Variants in OMA1 observed in about 807,000 individuals in gnomAD.
OMA1 encodes the protein OMA1 zinc metallopeptidase.
A neutral mutation model predicts 30.9 loss-of-function variants in OMA1; 38 were observed. The observed-to-expected ratio is 1.23, with a 90% CI of 0.95 to 1.61. The LOEUF (loss-of-function observed/expected upper bound fraction) is 1.61. Ranked by LOEUF, OMA1 falls within the 40% of genes most tolerant of loss-of-function variation. The probability of loss-of-function intolerance (pLI) is 0.00; values close to 1 mark genes in which losing one functional copy is unlikely to be tolerated. For missense variants in OMA1, 461 were observed against 349.2 expected, an observed-to-expected ratio of 1.32 and a Z score of -2.55; for synonymous variants, 173 against 121.9, an observed-to-expected ratio of 1.42 and a Z score of -2.76.
At chr1:58,502,048 C>T (rs1040652885) in intron 8 of OMA1, among the ~76,000 whole-genome samples, 1 of 152,016 alleles carries the variant, frequency 6.6e-6, no homozygotes, top group African/African-American at 2.4e-5. Flanking sequence ...TGGCATATAA[C>T]AGATGACTGA....
chr1:58,510,367 A>G (rs1260672351), intron 7 of OMA1, among the ~76,000 whole-genome samples: 1 of 152,032 alleles, frequency 6.6e-6, no homozygotes, highest in African/African-American at 2.4e-5. Flanking sequence ...TTAACAGAAT[A>G]AAAAAACACA....
chr1:58,529,479 A>G (rs148966090), intron 6 of OMA1, among the ~76,000 whole-genome samples: 192 of 152,360 alleles, frequency 1.3e-3, no homozygotes, highest in African/African-American at 4.4e-3. Context: ...TGAGATGATT[A>G]TTATACATAA....
intron 7 of OMA1, among the ~76,000 whole-genome samples, chr1:58,507,978 C>T (rs947039854): frequency 3.9e-5 from 6 of 152,284 alleles, no homozygotes; most frequent in African/African-American, 1.4e-4. Flanking sequence ...TTGTCTGCTA[C>T]ACAAACCAAA....
chr1:58,508,979 T>G (rs1027965464), intron 7 of OMA1, among the ~76,000 whole-genome samples: 3 of 152,100 alleles, frequency 2.0e-5, no homozygotes, highest in Non-Finnish European at 2.9e-5. Context: ...GACAGGACCC[T>G]AGACACCTAG....
intron 8 of OMA1, among the ~76,000 whole-genome samples, chr1:58,499,596 C>T (rs1180099968): frequency 6.6e-6 from 1 of 152,000 alleles, no homozygotes; most frequent in Non-Finnish European, 1.5e-5. Flanking sequence ...ATTGTTACTA[C>T]AGTTAATAAA....
In OMA1 at chr1:58,534,023, C is replaced by G. The variant is rs761631368; in HGVS notation, c.941G>C (p.Ser314Thr). 2.3e-6 allele frequency: 2 copies of G among 871,486 alleles called. No homozygotes were observed. The highest frequency in any genetic ancestry group is 4.0e-6 in the Non-Finnish European group (2 of 501,358). The allele number at this position is 871,486 out of a possible 1,614,324, so 54.0% of individuals were successfully genotyped here. Reference sequence around the variant, plus strand: ...AGAAAGTTGATGAATATCGGTTACACTATTTAAAAATCCAGTGAAAACAAA... The same window carrying G: ...AGAAAGTTGATGAATATCGGTTACAGTATTTAAAAATCCAGTGAAAACAAA... ...QMFVFTGFLN[S>T]VTDIHQLSFL... Residue 314 changes from serine to threonine, a missense_variant, in exon 5 of 9, where the codon AGT (serine) becomes ACT (threonine). Physicochemically the swap from Ser to Thr is moderately conservative, Grantham distance 58. Coordinates refer to ENST00000371226, the MANE Select transcript of OMA1 (RefSeq NM_145243.5).
chr1:58,497,116 G>A (rs1040343928), intron 8 of OMA1, among the ~76,000 whole-genome samples: 4 of 152,066 alleles, frequency 2.6e-5, no homozygotes, highest in African/African-American at 7.2e-5. Flanking sequence ...CTATTTACAG[G>A]TATATATAGA....
At chr1:58,493,871 C>A (rs9662224) in intron 8 of OMA1, among the ~76,000 whole-genome samples, 1 of 151,200 alleles carries the variant, frequency 6.6e-6, no homozygotes, top group Non-Finnish European at 1.5e-5. Context: ...CAATGCCATC[C>A]CCATCAAGCT....
intron 8 of OMA1, among the ~76,000 whole-genome samples, chr1:58,500,304 A>C (rs952371370): frequency 1.3e-5 from 2 of 152,144 alleles, no homozygotes; most frequent in Non-Finnish European, 2.9e-5. Flanking sequence ...AACACTCTCT[A>C]TGTCAGACAA....
chr1:58,529,063 T>C (rs2100469577), intron 6 of OMA1, among the ~76,000 whole-genome samples: 1 of 152,168 alleles, frequency 6.6e-6, no homozygotes, highest in South Asian at 2.1e-4. Context: ...TCCTGGCGGG[T>C]CAGTGACAGA....
chr1:58,540,966 G>C (rs1569983369), intron 1 of OMA1, among the ~76,000 whole-genome samples: 1 of 152,012 alleles, frequency 6.6e-6, no homozygotes, highest in Admixed American at 6.6e-5. Flanking sequence ...ATCAATGAAA[G>C]ATAAAATCTT....
In OMA1 at chr1:58,518,280, GA is replaced by G. The variant is rs1557450246; in HGVS notation, c.1215+8980del. Among the ~76,000 whole-genome samples the G allele has an allele frequency of 1.6e-3, 19 of 11,896 alleles. 3 individuals are homozygous for G. Among genetic ancestry groups the G allele is most frequent in the Middle Eastern group, 0.05 (2 of 40 alleles). 7.8% of individuals were successfully genotyped at this position (11,896 alleles called of 152,430 possible). A position where few individuals can be genotyped will look rare whatever the true frequency, so the allele number is the denominator to read the frequency against. ...AGAGGGGAGAGGAGAGAGGAGAGGAGAAGAGAAGAGAAGAGAAGAGAAGAGA... is the reference window on the plus strand; with the variant it reads ...AGAGGGGAGAGGAGAGAGGAGAGGAGAGAGAAGAGAAGAGAAGAGAAGAGA... On this transcript the variant is annotated intron_variant, in intron 7 of 8. Coordinates refer to ENST00000371226, the MANE Select transcript of OMA1 (RefSeq NM_145243.5).
At chr1:58,516,214 C>A (rs1307161486) in intron 7 of OMA1, among the ~76,000 whole-genome samples, 2 of 152,148 alleles carry the variant, frequency 1.3e-5, no homozygotes, top group Non-Finnish European at 2.9e-5. Context: ...ACCATGTCAT[C>A]CTAGAAGGCT....
chr1:58,543,399 T>C (rs1646651710), intron 1 of OMA1, among the ~76,000 whole-genome samples: 1 of 152,196 alleles, frequency 6.6e-6, no homozygotes, highest in Non-Finnish European at 1.5e-5. Context: ...CTACAGCAAC[T>C]TTAGCATCCA....
intron 7 of OMA1, among the ~76,000 whole-genome samples, chr1:58,514,147 C>T (rs1170561084): frequency 6.6e-6 from 1 of 151,994 alleles, no homozygotes; most frequent in Non-Finnish European, 1.5e-5. Context: ...ATGTTTGGTC[C>T]TAAGTGATGA....
At chr1:58,537,544 T>A (rs1264603175) in intron 2 of OMA1, among the ~76,000 whole-genome samples, 8 of 148,520 alleles carry the variant, frequency 5.4e-5, no homozygotes, top group African/African-American at 2.0e-4. Context: ...AACAATACTC[T>A]CTGCCACTTA....
chr1:58,490,693 A>T, intron 8 of OMA1, among the ~76,000 whole-genome samples: 1 of 152,044 alleles, frequency 6.6e-6, no homozygotes. Flanking sequence ...AGCTAGAGAG[A>T]AAGGTCGGGT....
chr1:58,523,382 A>T (rs1244850137), intron 7 of OMA1, among the ~76,000 whole-genome samples: 5 of 152,178 alleles, frequency 3.3e-5, no homozygotes, highest in Non-Finnish European at 7.3e-5. Context: ...TCAGTGGTGT[A>T]AACCTTACAG....
rs768611475 is a variant in OMA1 at position 58,544,103 on chromosome 1, C to A, written c.-17+2600G>T. 1.3e-4 allele frequency among the ~76,000 whole-genome samples: 20 copies of A among 152,320 alleles called. No homozygotes were observed. In the East Asian group the frequency reaches 3.3e-3, roughly 25 times the overall value. On this transcript the variant is annotated intron_variant, in intron 1 of 8. Transcript: ENST00000371226. The stretch of plus-strand genomic sequence containing the variant: ...GCAAACAGTTATGATGGAATTTGAA[C>A]TTGCTGTGGCCAAATGATTCAAAAC...
Sources: allele counts gnomAD v4.1 joint callset (sites outside exome capture counted in the v4.1 genomes callset), GRCh38; gene constraint gnomAD v4.1.1; transcripts MANE v1.5; gene names NCBI Gene and HGNC (gene_info 2026-07-23, HGNC 2026-07-21).